NUP160: variants seen among roughly 807,000 people sequenced by gnomAD.
NUP160 encodes nucleoporin 160.
NUP160 carries 94 observed loss-of-function variants against 196.9 expected under a neutral mutation model. The ratio of observed to expected loss-of-function variants is 0.48; its 90% CI spans 0.40 to 0.57. The LOEUF is 0.57. Among genes scored for constraint, NUP160 ranks in the 20% least tolerant of loss-of-function variants. The pLI, the probability that NUP160 is intolerant of heterozygous loss-of-function variation, is 0.00. For synonymous variants in NUP160, 605 were observed against 619.7 expected (o/e 0.98, Z 0.35); for missense variants, 1,638 against 1,748.3 (o/e 0.94, Z 1.13).
At position 47,812,243 on chromosome 11, in the gene NUP160, T is replaced by C. The variant is rs747397356; in HGVS notation, c.2081-19A>G. On this transcript the variant is annotated intron_variant, in intron 16 of 35. Coordinates refer to ENST00000378460, the Ensembl canonical transcript of NUP160. ...GGCTGAGCTGTAAAAAGAAGAAAAA[T>C]GGAGTTGAATGCATCATTGTTTTAA... 2.5e-6 allele frequency: 4 copies of C among 1,613,474 alleles called. No homozygotes were observed. The highest frequency in any genetic ancestry group is 1.1e-5 in the South Asian group (1 of 91,008).
In NUP160 at chr11:47,807,201, A is replaced by G. The variant is rs1335538308; in HGVS notation, c.2376-61T>C. ...CTCCTATGCTAAACATTACTTCTAC[A>G]AGCTCTTCTACGAAGAACACTGTCA... On this transcript the variant is annotated intron_variant, in intron 18 of 35. Coordinates refer to ENST00000378460, the Ensembl canonical transcript of NUP160. The G allele has an allele frequency of 2.9e-6, 3 of 1,024,536 alleles. No homozygotes were observed. In the African/African-American group the frequency reaches 4.8e-5, roughly 16 times the overall value. The allele number at this position is 1,024,536 out of a possible 1,614,324, so 63.5% of individuals were successfully genotyped here.
At chr11:47,793,505 A>T (rs1446436970) in intron 27 of NUP160, among the ~76,000 whole-genome samples, 2 of 152,102 alleles carry the variant, frequency 1.3e-5, no homozygotes, top group East Asian at 3.9e-4. Flanking sequence ...TCAAAAAATT[A>T]AAAGTGAAAT....
At chr11:47,796,258 G>A in intron 27 of NUP160, 1 of 670,802 alleles carries the variant, frequency 1.5e-6, no homozygotes. Context: ...AGCACAGTAG[G>A]ATCAATCAGA....
chr11:47,779,877 G>A (rs1394893471), intron 35 of NUP160, among the ~76,000 whole-genome samples: 1 of 152,020 alleles, frequency 6.6e-6, no homozygotes, highest in Non-Finnish European at 1.5e-5. Context: ...ACAGGTGCCC[G>A]CCACCATGCC....
At chr11:47,819,646 A>C (rs1389982311) in intron 9 of NUP160, among the ~76,000 whole-genome samples, 188 bp from the exon 10 acceptor site, 1 of 152,212 alleles carries the variant, frequency 6.6e-6, no homozygotes, top group Non-Finnish European at 1.5e-5. Context: ...CCTAGTTTTT[A>C]TACAAGTTTG....
At chr11:47,847,825 G>C (rs748471546) in intron 2 of NUP160, 23 bp downstream of exon 2, 2 of 1,556,054 alleles carry the variant, frequency 1.3e-6, no homozygotes, top group Non-Finnish European at 1.8e-6. Flanking sequence ...TTCCAGGGGA[G>C]TTTGGCGAAC....
chr11:47,811,119 A>G (rs777110880), intron 17 of NUP160, among the ~76,000 whole-genome samples: 1 of 152,160 alleles, frequency 6.6e-6, no homozygotes, highest in Non-Finnish European at 1.5e-5. Flanking sequence ...TGGTCTAAGA[A>G]GAACAGAATG....
At chr11:47,831,357 A>G (rs1469728343) in intron 7 of NUP160, among the ~76,000 whole-genome samples, 1 of 152,234 alleles carries the variant, frequency 6.6e-6, no homozygotes, top group Admixed American at 6.5e-5. Context: ...TCAGATAACA[A>G]CAAGTGTTGA....
chr11:47,786,455 A>G (rs763395828), exon 32 of NUP160: 8 of 1,608,030 alleles, frequency 5.0e-6, no homozygotes, highest in South Asian at 2.2e-5. Flanking sequence ...GGTTGTACCT[A>G]GACTCCTTAG....
chr11:47,837,766 G>A (rs571737207), intron 4 of NUP160, 143 bp from the exon 5 acceptor site: 12 of 593,452 alleles, frequency 2.0e-5, no homozygotes, highest in Non-Finnish European at 3.0e-5. Context: ...TAACTTTCCT[G>A]CATATATCAC....
chr11:47,801,872 C>T lies in NUP160; in HGVS notation c.2834G>A (p.Arg945His), dbSNP rs942923988. 6.8e-6 allele frequency: 11 copies of T among 1,613,632 alleles called. No homozygotes were observed. Among genetic ancestry groups the T allele is most frequent in the East Asian group, 4.5e-5 (2 of 44,876 alleles). The change falls in exon 23 of 36, where the codon CGC becomes CAC. Residue 945 changes from arginine (R) to histidine (H), a missense_variant. Coordinates refer to ENST00000378460, the Ensembl canonical transcript of NUP160. ...CTCCCCATCCTCTGAGCGAATCAAGCGATCCAAGAATTCCTCTTTGCCTAC... is the reference window on the plus strand; with the variant it reads ...CTCCCCATCCTCTGAGCGAATCAAGTGATCCAAGAATTCCTCTTTGCCTAC...
chr11:47,843,897 C>CA (rs1243572487), intron 2 of NUP160, among the ~76,000 whole-genome samples: 1 of 152,200 alleles, frequency 6.6e-6, no homozygotes, highest in Non-Finnish European at 1.5e-5. Flanking sequence ...TCTCAACACT[C>CA]ACTTGGATAT....
chr11:47,824,257 A>T (rs1851923782), intron 7 of NUP160, among the ~76,000 whole-genome samples: 1 of 151,686 alleles, frequency 6.6e-6, no homozygotes, highest in Non-Finnish European at 1.5e-5. Flanking sequence ...TTATTCATTC[A>T]TTCAATTGTA....
chr11:47,846,172 A>T (rs1042896557), intron 2 of NUP160, among the ~76,000 whole-genome samples: 2 of 150,288 alleles, frequency 1.3e-5, no homozygotes, highest in South Asian at 2.1e-4. Context: ...AGAAAAAAAA[A>T]TTTTTTTTGT....
At chr11:47,782,951 G>T in intron 34 of NUP160, 122 bp downstream of exon 34, 1 of 847,290 alleles carries the variant, frequency 1.2e-6, no homozygotes, top group Non-Finnish European at 1.9e-6. Context: ...GAGTCACTGT[G>T]CCCGGCCATC....
chr11:47,839,907 C>T, exon 4 of NUP160: 1 of 1,614,122 alleles, frequency 6.2e-7, no homozygotes, highest in Non-Finnish European at 8.5e-7. Context: ...GTAAGGCAAA[C>T]AGGGCCTCCC....
At chr11:47,783,074 T>A in exon 34 of NUP160, 1 of 1,612,896 alleles carries the variant, frequency 6.2e-7, no homozygotes, top group East Asian at 2.2e-5. Flanking sequence ...TATGCCTACC[T>A]CAATTCCGAA....
chr11:47,817,535 C>T lies in NUP160; in HGVS notation c.1431+521G>A, dbSNP rs186753525. Among the ~76,000 whole-genome samples, 236 of 150,374 alleles carry T rather than the reference C, an allele frequency of 1.6e-3. 2 individuals are homozygous for T. In the East Asian group the frequency reaches 0.042, roughly 27 times the overall value. ...CTAATTTTTGTATTTTTAGTAGAGA[C>T]GGGGTTTCACCATGTTGGCCAGGAT... is the stretch of plus-strand genomic sequence containing the variant. On this transcript the variant is annotated intron_variant, in intron 11 of 35. Coordinates refer to ENST00000378460, the Ensembl canonical transcript of NUP160.
At chr11:47,779,660 C>T (rs1048720019) in intron 35 of NUP160, 40 of 483,484 alleles carry the variant, frequency 8.3e-5, no homozygotes, top group Non-Finnish European at 1.3e-4. Context: ...GAATATATGA[C>T]TCCTGAGAAA....
Sources: gnomAD v4.1 joint callset for allele counts (sites outside exome capture counted in the v4.1 genomes callset) on GRCh38, gnomAD v4.1.1 for gene constraint, MANE v1.5 for transcripts, NCBI Gene and HGNC (gene_info 2026-07-23, HGNC 2026-07-21) for gene names.